The following RHCE variants were observed in gnomAD, a reference collection of about 807,000 sequenced individuals.
RHCE encodes Rh blood group CcEe antigens, also known as blood group Rh(CE) polypeptide.
Under a neutral mutation model 43.8 loss-of-function variants are expected in RHCE, and 22 were observed. The ratio of observed to expected loss-of-function variants is 0.50; its 90% CI spans 0.36 to 0.72. The LOEUF is 0.72. RHCE is among the 30% of genes least tolerant of loss of function. RHCE has a pLI of 0.00. For synonymous variants in RHCE, 156 were observed against 210.7 expected (o/e 0.74, Z 2.25); for missense variants, 385 against 525.4 (o/e 0.73, Z 2.61).
intron 2 of RHCE, 108 bp from the exon 3 acceptor site, chr1:25,402,854 G>C (rs1557631232): frequency 1.3e-6 from 2 of 1,503,450 alleles, no homozygotes. Context: ...CTTACTTTCT[G>C]TGGAAATAGA....
chr1:25,394,899 T>C (rs1301466621), intron 3 of RHCE, among the ~76,000 whole-genome samples: 2 of 151,788 alleles, frequency 1.3e-5, no homozygotes, highest in Non-Finnish European at 2.9e-5. Context: ...TCCCTGGCTC[T>C]GGTTCCCCCG....
At chr1:25,381,457 C>CTT (rs757669054) in intron 7 of RHCE, among the ~76,000 whole-genome samples, 1,749 of 134,238 alleles carry the variant, frequency 0.013, 52 homozygotes, top group East Asian at 0.089. Flanking sequence ...TTTTCTTTTT[C>CTT]TTTTTTTTTT....
chr1:25,378,953 T>G (rs1322637072), intron 7 of RHCE, among the ~76,000 whole-genome samples: 1 of 152,154 alleles, frequency 6.6e-6, no homozygotes, highest in Non-Finnish European at 1.5e-5. Flanking sequence ...TGGATGAATC[T>G]CACAACTACA....
At chr1:25,405,034 C>CAAA (rs59693967) in intron 2 of RHCE, among the ~76,000 whole-genome samples, 1 of 76,902 alleles carries the variant, frequency 1.3e-5, no homozygotes, top group African/African-American at 4.4e-5. Flanking sequence ...CTACAAAAAG[C>CAAA]AAAAAAAAAA....
At chr1:25,371,248 T>G (rs1645604159) in intron 8 of RHCE, among the ~76,000 whole-genome samples, 1 of 151,410 alleles carries the variant, frequency 6.6e-6, no homozygotes, top group Non-Finnish European at 1.5e-5. Context: ...AGGTCTGTCT[T>G]CTCTGGCTCC....
Position 25,392,075 on chromosome 1 carries a change from A to T in RHCE, c.553T>A (p.Trp185Arg), listed in dbSNP as rs1391295816. 7 of 1,614,064 alleles carry T rather than the reference A, an allele frequency of 4.3e-6. No individual in the cohort carries two copies. Among genetic ancestry groups the T allele is most frequent in the African/African-American group, 1.3e-5 (1 of 74,900 alleles). Reference sequence around the variant, plus strand: ...TTGGGTAGAGGCTTTGGCAGGCACCAGGCCACAGTCAGCCCAAAATAGGCT... The same window carrying T: ...TTGGGTAGAGGCTTTGGCAGGCACCTGGCCACAGTCAGCCCAAAATAGGCT... ...FAAYFGLTVA[W>R]CLPKPLPKGT... Residue 185 changes from tryptophan (W) to arginine (R), a missense_variant, in exon 4 of 10, where the codon TGG becomes AGG. Around this residue, in one of 6 missense-constraint regions of RHCE, gnomAD observed 110 missense variants for 103.4 expected, o/e 1.06. Transcript: ENST00000294413.
chr1:25,418,341 T>C (rs2042658352), intron 1 of RHCE, among the ~76,000 whole-genome samples: 1 of 151,320 alleles, frequency 6.6e-6, no homozygotes, highest in Non-Finnish European at 1.5e-5. Flanking sequence ...GCTCTCCTCT[T>C]TGTTTTTTGT....
intron 1 of RHCE, chr1:25,429,075 A>G (rs913462963): frequency 1.3e-5 from 2 of 152,272 alleles, no homozygotes; most frequent in Non-Finnish European, 2.9e-5. Context: ...AGCAGAAGAA[A>G]GTAACACAGA....
Position 25,415,592 on chromosome 1 carries a change from C to T in RHCE, c.148+5047G>A, listed in dbSNP as rs185335117. Among the ~76,000 whole-genome samples the T allele has an allele frequency of 6.7e-3, 1,024 of 152,066 alleles. 11 individuals are homozygous for T. The highest frequency in any genetic ancestry group is 0.022 in the African/African-American group (915 of 41,450). ...ACTTGAACCTGGGAGGCGGAGGTTG[C>T]GGTGAGCCAAGATCGCACCACTGCA... On this transcript the variant is annotated intron_variant, in intron 1 of 9. Coordinates refer to ENST00000294413, the MANE Select transcript of RHCE (RefSeq NM_020485.8).
chr1:25,420,554 A>C, intron 1 of RHCE, 85 bp downstream of exon 1: 2 of 1,612,758 alleles, frequency 1.2e-6, no homozygotes, highest in South Asian at 1.1e-5. Context: ...AGAAAGGAAC[A>C]TCTGTGCCCC....
chr1:25,391,911 A>T (rs1352565375), intron 4 of RHCE, 83 bp downstream of exon 4: 1 of 1,597,212 alleles, frequency 6.3e-7, no homozygotes. Context: ...TTGGTAAAGG[A>T]GGGAGATTTT....
intron 5 of RHCE, among the ~76,000 whole-genome samples, chr1:25,389,880 G>C (rs1022939355): frequency 2.6e-5 from 4 of 152,028 alleles, no homozygotes; most frequent in Non-Finnish European, 5.9e-5. Context: ...TCTCACCTAG[G>C]TTTAGCCTCT....
intron 7 of RHCE, among the ~76,000 whole-genome samples, chr1:25,379,485 ATATATATATATTTTTTTTTTTT>A (rs1166219257): frequency 1.3e-3 from 25 of 19,472 alleles, no homozygotes; most frequent in African/African-American, 6.5e-3. Flanking sequence ...ATATATATAT[ATATATATATATTTTTTTTTTTT>A]TTTTTTTTTT....
intron 2 of RHCE, among the ~76,000 whole-genome samples, chr1:25,405,741 A>G (rs2124489031): frequency 8.1e-6 from 1 of 123,830 alleles, no homozygotes; most frequent in Admixed American, 8.7e-5. Flanking sequence ...TTGCTAAGTT[A>G]TCAGTATGTG....
At chr1:25,407,880 T>C (rs1646964182) in intron 2 of RHCE, among the ~76,000 whole-genome samples, 1 of 123,714 alleles carries the variant, frequency 8.1e-6, no homozygotes, top group African/African-American at 2.5e-5. Flanking sequence ...GTGATGGTTC[T>C]TAGCATTTCA....
rs189225585 is a variant in RHCE, at chr1:25,392,115, G to A, written c.513C>T (p.His171=). ...FNTDYHMNLR[H]FYVFAAYFGL... ...CAAAATAGGCTGCGAACACGTAGAA[G>A]TGCCTCAGGTTCATGTGGTAGTCTG... The change falls in exon 4 of 10, where the codon CAC becomes CAT. Residue 171 remains histidine, a synonymous_variant. Transcript: ENST00000294413. 1 of 1,614,180 alleles carries A rather than the reference G, an allele frequency of 6.2e-7. No individual in the cohort carries two copies. Among genetic ancestry groups the A allele is most frequent in the Non-Finnish European group, 8.5e-7 (1 of 1,180,020 alleles).
rs901840969 is a variant in RHCE at position 25,371,475 on chromosome 1, AC to A, written c.1154-936del. Among the ~76,000 whole-genome samples the A allele has an allele frequency of 6.1e-5, 9 of 147,924 alleles. 1 individual carries two copies. Among genetic ancestry groups the A allele is most frequent in the African/African-American group, 1.0e-4 (4 of 39,550 alleles). On this transcript the variant is annotated intron_variant, in intron 8 of 9. Coordinates refer to ENST00000294413, the MANE Select transcript of RHCE (RefSeq NM_020485.8). Reference sequence around the variant, plus strand: ...AGCCTCAAACTCCCAGGCACAAGCAACCCCCCCACCTCAGCCTCCCAAGTAG... The same window carrying A: ...AGCCTCAAACTCCCAGGCACAAGCAACCCCCCACCTCAGCCTCCCAAGTAG...
chr1:25,401,291 A>G (rs1234762992), intron 3 of RHCE, among the ~76,000 whole-genome samples: 1 of 152,184 alleles, frequency 6.6e-6, no homozygotes, highest in Non-Finnish European at 1.5e-5. Flanking sequence ...CTAAAGCTCT[A>G]AGAGGTTAAA....
At chr1:25,409,899 T>C (rs1647021197) in intron 1 of RHCE, among the ~76,000 whole-genome samples, 1 of 151,856 alleles carries the variant, frequency 6.6e-6, no homozygotes, top group African/African-American at 2.4e-5. Context: ...GCTAAGATTT[T>C]TTTTTTTTAA....
Sources: gnomAD v4.1 joint callset for allele counts (sites outside exome capture counted in the v4.1 genomes callset) on GRCh38, gnomAD v4.1.1 for gene constraint, gnomAD v4.1.1 regional missense constraint, MANE v1.5 for transcripts, NCBI Gene and HGNC (gene_info 2026-07-23, HGNC 2026-07-21) for gene names.